The following KIAA0319 variants were observed in gnomAD, a reference collection of about 807,000 sequenced individuals.
The protein encoded by KIAA0319 is dyslexia-associated protein KIAA0319.
A neutral mutation model predicts 108.4 loss-of-function variants in KIAA0319; 83 were observed. The ratio of observed to expected loss-of-function variants is 0.77; its 90% confidence interval spans 0.64 to 0.92. The LOEUF is 0.92. Among genes scored for constraint, KIAA0319 ranks in the 40% least tolerant of loss-of-function variants. KIAA0319 has a pLI of 0.00. For synonymous variants in KIAA0319, 484 were observed against 510.4 expected (o/e 0.95, Z 0.70); for missense variants, 1,195 against 1,322.4 (o/e 0.90, Z 1.49).
chr6:24,626,691 A>G lies in KIAA0319; in HGVS notation c.-106+19045T>C, dbSNP rs991433063. Reference sequence around the variant, plus strand: ...TAAAAAGAAAATGTATTGAACACCTATGTTTGCAGGGCACTATTCTAGTTT... The same window carrying G: ...TAAAAAGAAAATGTATTGAACACCTGTGTTTGCAGGGCACTATTCTAGTTT... On this transcript the variant is annotated intron_variant, in intron 1 of 20. Transcript: ENST00000378214. 2.0e-5 allele frequency among the ~76,000 whole-genome samples: 3 copies of G among 152,216 alleles called. No homozygotes were observed. The South Asian group carries it at 6.2e-4, about 31-fold the overall frequency.
In KIAA0319 at chr6:24,566,654, A is replaced by C. The variant is rs775864525; in HGVS notation, c.2235T>G (p.Asp745Glu). The C allele has an allele frequency of 3.7e-6, 6 of 1,613,222 alleles. No homozygotes were observed. Among genetic ancestry groups the C allele is most frequent in the Non-Finnish European group, 4.2e-6 (5 of 1,179,656 alleles). The change falls in exon 14 of 21, where the codon GAT becomes GAG. Residue 745 changes from aspartate (D) to glutamate (E), a missense_variant. Asp to Glu is a conservative substitution (Grantham distance 45). Coordinates refer to ENST00000378214, the MANE Select transcript of KIAA0319 (RefSeq NM_014809.4). ...SITLDGSRSTDDQRIVSYLWI... is the reference protein window; with the variant it reads ...SITLDGSRSTEDQRIVSYLWI... ...ACAGATAGGACACAATTCTTTGGTCATCAGTAGACCTTGAACCATCCAAAG... is the reference window on the plus strand; with the variant it reads ...ACAGATAGGACACAATTCTTTGGTCCTCAGTAGACCTTGAACCATCCAAAG...
At chr6:24,629,684 G>A (rs1775261271) in intron 1 of KIAA0319, among the ~76,000 whole-genome samples, 2 of 152,062 alleles carry the variant, frequency 1.3e-5, no homozygotes, top group Non-Finnish European at 2.9e-5. Flanking sequence ...CCTTGTGACT[G>A]AAACGTTGCT....
At chr6:24,624,377 G>A (rs1015203521) in intron 1 of KIAA0319, among the ~76,000 whole-genome samples, 3 of 151,750 alleles carry the variant, frequency 2.0e-5, no homozygotes, top group Non-Finnish European at 4.4e-5. Flanking sequence ...TATCAAACAT[G>A]TAAACAAAAT....
At chr6:24,580,318 C>T (rs191464793) in intron 7 of KIAA0319, among the ~76,000 whole-genome samples, 99 of 146,216 alleles carry the variant, frequency 6.8e-4, no homozygotes, top group Non-Finnish European at 1.2e-3. Flanking sequence ...AACTCCCCCC[C>T]CCACCCCCCA....
intron 16 of KIAA0319, among the ~76,000 whole-genome samples, chr6:24,559,710 T>A (rs1208621647): frequency 6.6e-6 from 1 of 152,248 alleles, no homozygotes; most frequent in East Asian, 1.9e-4. Flanking sequence ...TACCTTTTTT[T>A]GATTGAGATA....
At chr6:24,642,047 AAGGGGAGGGG>A (rs893139086) in intron 1 of KIAA0319, among the ~76,000 whole-genome samples, 1 of 101,750 alleles carries the variant, frequency 9.8e-6, no homozygotes, top group African/African-American at 3.7e-5. Flanking sequence ...GAGAGAAAGG[AAGGGGAGGGG>A]AGGGGAGGGG....
chr6:24,557,169 C>T (rs1441598704), intron 17 of KIAA0319, among the ~76,000 whole-genome samples: 1 of 151,966 alleles, frequency 6.6e-6, no homozygotes, highest in Non-Finnish European at 1.5e-5. Flanking sequence ...CGCGCCACTG[C>T]ACTCCAGCCT....
intron 2 of KIAA0319, chr6:24,598,878 A>T (rs1167798311): frequency 2.1e-5 from 5 of 240,494 alleles, no homozygotes; most frequent in Non-Finnish European, 3.3e-5. Context: ...GACTGCATTT[A>T]AAAAAAAAAT....
chr6:24,576,569 G>A lies in KIAA0319; in HGVS notation c.1533C>T (p.Ala511=), dbSNP rs1765559068. The change falls in exon 10 of 21, where the codon GCC becomes GCT. Residue 511 remains alanine, a synonymous_variant. Coordinates refer to ENST00000378214, the MANE Select transcript of KIAA0319 (RefSeq NM_014809.4). ...TTAGGGCTGCAGTTGTAGAGTTAGT[G>A]GCTCCGTCCGAGTCTGTAACAGTCA... is the stretch of plus-strand genomic sequence containing the variant. ...FRLTVTDSDG[A]TNSTTAALIV... is the part of the protein sequence containing the mutation. 3 of 1,613,952 alleles carry A rather than the reference G, an allele frequency of 1.9e-6. No homozygotes were observed. The highest frequency in any genetic ancestry group is 1.3e-5 in the African/African-American group (1 of 74,904).
At chr6:24,585,025 A>G (rs7763865) in intron 4 of KIAA0319, among the ~76,000 whole-genome samples, 16,465 of 152,248 alleles carry the variant, frequency 0.11, 2,468 homozygotes, top group African/African-American at 0.34. Context: ...TAATCTCCAA[A>G]ATACATGGCC....
At position 24,576,859 on chromosome 6, in the gene KIAA0319, A is replaced by G. The variant is rs533420500; in HGVS notation, c.1506-263T>C. Among the ~76,000 whole-genome samples, 23 of 152,218 alleles carry G rather than the reference A, an allele frequency of 1.5e-4. No homozygotes were observed. The South Asian group carries it at 4.8e-3, about 32-fold the overall frequency. On this transcript the variant is annotated intron_variant, in intron 9 of 20. Coordinates refer to ENST00000378214, the MANE Select transcript of KIAA0319 (RefSeq NM_014809.4). ...AGGATCATTTGAGCCCGGGAGGTCAAGGCTGCAGTGAGCCGATATTGCTCC... is the reference window on the plus strand; with the variant it reads ...AGGATCATTTGAGCCCGGGAGGTCAGGGCTGCAGTGAGCCGATATTGCTCC...
At chr6:24,553,314 C>T (rs1302225864) in intron 19 of KIAA0319, among the ~76,000 whole-genome samples, 29 of 112,952 alleles carry the variant, frequency 2.6e-4, no homozygotes, top group Non-Finnish European at 4.7e-4. Context: ...CACACACACA[C>T]ACACACACAC....
intron 1 of KIAA0319, among the ~76,000 whole-genome samples, chr6:24,628,879 G>A (rs1048430701): frequency 6.6e-5 from 10 of 152,062 alleles, no homozygotes; most frequent in Admixed American, 1.3e-4. Context: ...CAGTCGCAGT[G>A]GATAAAGGGC....
Position 24,583,232 on chromosome 6 carries a change from A to G in KIAA0319, c.1093+372T>C, listed in dbSNP as rs1041672173. On this transcript the variant is annotated intron_variant, in intron 5 of 20. Transcript: ENST00000378214. ...ATTGTCAATGCCACAGTATCTGCAA[A>G]CAAACCTATGGGTGCACGCCACTTC... The G allele has an allele frequency of 5.0e-6, 5 of 993,324 alleles. No homozygotes were observed. The African/African-American group carries it at 8.7e-5, about 17-fold the overall frequency. The allele number at this position is 993,324 out of a possible 1,614,324, so 61.5% of individuals were successfully genotyped here.
At chr6:24,558,365 C>CTAGA (rs59328032) in intron 17 of KIAA0319, among the ~76,000 whole-genome samples, 24,047 of 150,738 alleles carry the variant, frequency 0.16, 2,055 homozygotes, top group East Asian at 0.32. Context: ...ATATATATAT[C>CTAGA]TAGATAGATA....
chr6:24,643,613 T>C (rs545196333), intron 1 of KIAA0319, among the ~76,000 whole-genome samples: 1 of 152,358 alleles, frequency 6.6e-6, no homozygotes, highest in South Asian at 2.1e-4. Flanking sequence ...ATGCATTTTA[T>C]GATGATTTGA....
intron 19 of KIAA0319, among the ~76,000 whole-genome samples, chr6:24,553,251 G>A (rs1761766188): frequency 7.2e-6 from 1 of 139,258 alleles, no homozygotes; most frequent in Admixed American, 7.3e-5. Context: ...GACCTGTAAG[G>A]CCACTTAGGT....
chr6:24,549,220 G>A (rs760662114), intron 20 of KIAA0319, among the ~76,000 whole-genome samples: 15 of 151,372 alleles, frequency 9.9e-5, no homozygotes, highest in Non-Finnish European at 5.9e-5. Flanking sequence ...CAACTACTTG[G>A]GAGGCTAAGG....
intron 1 of KIAA0319, among the ~76,000 whole-genome samples, chr6:24,606,953 C>T (rs992159226): frequency 1.3e-5 from 2 of 152,364 alleles, no homozygotes; most frequent in African/African-American, 4.8e-5. Flanking sequence ...GAGCTGGGTC[C>T]TTGAAGACAT....
Sources: gnomAD v4.1 joint callset for allele counts (sites outside exome capture counted in the v4.1 genomes callset) on GRCh38, gnomAD v4.1.1 for gene constraint, MANE v1.5 for transcripts, NCBI Gene and HGNC (gene_info 2026-07-23, HGNC 2026-07-21) for gene names.